The following CAMTA1 variants were observed in gnomAD, a reference collection of about 807,000 sequenced individuals.
CAMTA1 encodes the protein calmodulin-binding transcription activator 1.
A neutral mutation model predicts 170.9 loss-of-function variants in CAMTA1; 27 were observed. The observed-to-expected ratio is 0.16, with a 90% CI of 0.12 to 0.22. The LOEUF is 0.22. Ranked by LOEUF, CAMTA1 falls within the 10% of genes least tolerant of loss-of-function variation. The pLI, the probability that CAMTA1 is intolerant of heterozygous loss-of-function variation, is 1.00. For missense variants in CAMTA1, 1,619 were observed against 2,217.2 expected (o/e 0.73, Z 5.42); for synonymous variants, 833 against 891.5 (o/e 0.93, Z 1.17).
intron 6 of CAMTA1, among the ~76,000 whole-genome samples, chr1:7,604,510 G>T (rs369567263): frequency 0.13 from 20,416 of 152,076 alleles, 1,459 homozygotes; most frequent in African/African-American, 0.15. Context: ...ATAGTTCTGA[G>T]GCCGTGGTTT....
chr1:7,280,019 C>G (rs116410651), intron 5 of CAMTA1, among the ~76,000 whole-genome samples: 1 of 152,130 alleles, frequency 6.6e-6, no homozygotes, highest in Non-Finnish European at 1.5e-5. Context: ...GGAGCCTGCT[C>G]GTTGCTGGTA....
In CAMTA1 at chr1:7,738,353, A is replaced by C. The variant is rs2096785879; in HGVS notation, c.4053A>C (p.Ser1351=). 7.4e-6 allele frequency: 12 copies of C among 1,614,194 alleles called. No homozygotes were observed. The highest frequency in any genetic ancestry group is 9.3e-6 in the Non-Finnish European group (11 of 1,180,016). ...GTGTAGGAAAGGAGGCAGCACCTTC[A>C]CAGGTGCGTCCACGGGAACCAATGA... ...GTSVGKEAAP[S]QVRPREPMSV... The change falls in exon 16 of 23, where the codon TCA becomes TCC. Residue 1351 remains serine, a synonymous_variant. Coordinates refer to ENST00000303635, the MANE Select transcript of CAMTA1 (RefSeq NM_015215.4). The surrounding 1 kb of genome is among the most constrained non-coding windows in gnomAD (Gnocchi z 4.9).
chr1:6,955,321 C>T (rs1689266346), intron 3 of CAMTA1, among the ~76,000 whole-genome samples: 2 of 152,194 alleles, frequency 1.3e-5, no homozygotes, highest in South Asian at 4.1e-4. Flanking sequence ...CACTCCTCTT[C>T]CCTGGCGCCA....
chr1:7,113,580 C>A lies in CAMTA1; in HGVS notation c.302+22209C>A, dbSNP rs1309816867. Among the ~76,000 whole-genome samples, 1 of 152,176 alleles carries A rather than the reference C, an allele frequency of 6.6e-6. No homozygotes were observed. Among genetic ancestry groups the A allele is most frequent in the Non-Finnish European group, 1.5e-5 (1 of 68,032 alleles). On this transcript the variant is annotated intron_variant, in intron 4 of 22. Coordinates refer to ENST00000303635, the MANE Select transcript of CAMTA1 (RefSeq NM_015215.4). The surrounding 1 kb of genome is among the most constrained non-coding windows in gnomAD (Gnocchi z 4.5). ...CCTATTTATTCATGGCATTTCACAT[C>A]ATAAGAGAGTTAAAGAGTTTGTGGC...
chr1:7,574,935 G>A (rs1411426813), intron 6 of CAMTA1, among the ~76,000 whole-genome samples: 1 of 152,208 alleles, frequency 6.6e-6, no homozygotes, highest in Non-Finnish European at 1.5e-5. Flanking sequence ...GGGAAGGACG[G>A]ACATGTCGAC....
At chr1:7,605,178 G>C (rs1298217035) in intron 6 of CAMTA1, among the ~76,000 whole-genome samples, 2 of 152,222 alleles carry the variant, frequency 1.3e-5, no homozygotes, top group East Asian at 3.8e-4. Context: ...ATCTCCAGCT[G>C]CATGATGGGG....
intron 3 of CAMTA1, among the ~76,000 whole-genome samples, chr1:7,040,366 T>C (rs1048714329): frequency 1.3e-5 from 2 of 152,192 alleles, no homozygotes; most frequent in African/African-American, 4.8e-5. Flanking sequence ...TCAGATTGCT[T>C]GGATATGGCT....
intron 4 of CAMTA1, among the ~76,000 whole-genome samples, chr1:7,237,031 G>A (rs1447981928): frequency 1.3e-5 from 2 of 152,218 alleles, no homozygotes; most frequent in East Asian, 3.8e-4. Context: ...AGTTGGAACT[G>A]CATGAACTGC....
intron 3 of CAMTA1, among the ~76,000 whole-genome samples, chr1:6,976,667 C>T (rs1693481846): frequency 6.6e-6 from 1 of 152,082 alleles, no homozygotes; most frequent in Admixed American, 6.5e-5. Flanking sequence ...GAGGGAGGAG[C>T]CAAGCTCTCC....
At chr1:7,243,562 G>T (rs1479732359) in intron 4 of CAMTA1, among the ~76,000 whole-genome samples, 1 of 152,122 alleles carries the variant, frequency 6.6e-6, no homozygotes, top group East Asian at 1.9e-4. Context: ...ATTTCTGAGG[G>T]CTCTGTTCTG....
chr1:7,294,382 C>T (rs527262391), intron 5 of CAMTA1, among the ~76,000 whole-genome samples: 1 of 152,274 alleles, frequency 6.6e-6, no homozygotes, highest in Non-Finnish European at 1.5e-5. Flanking sequence ...GGCACAGTCA[C>T]CTTAAAAGGA....
chr1:6,964,621 GC>G (rs1287506043), intron 3 of CAMTA1, among the ~76,000 whole-genome samples: 3 of 152,246 alleles, frequency 2.0e-5, no homozygotes, highest in Admixed American at 6.5e-5. Flanking sequence ...TTATTCTCTT[GC>G]CCCCACAGGC....
At chr1:6,871,832 A>G (rs1234001310) in intron 3 of CAMTA1, 1 of 1,497,486 alleles carries the variant, frequency 6.7e-7, no homozygotes. Context: ...CCTGACCTGC[A>G]TTACCTTGGT....
intron 3 of CAMTA1, among the ~76,000 whole-genome samples, chr1:6,968,766 T>G (rs1431080223): frequency 2.2e-5 from 3 of 133,910 alleles, no homozygotes. Context: ...ATAGAGAGAG[T>G]GGAGGTGGGG....
Position 7,739,909 on chromosome 1 carries a change from T to G in CAMTA1, c.4182+1427T>G, listed in dbSNP as rs2096798976. 4.6e-5 allele frequency among the ~76,000 whole-genome samples: 7 copies of G among 152,148 alleles called. No individual in the cohort carries two copies. In the South Asian group the frequency reaches 1.5e-3, roughly 32 times the overall value. On this transcript the variant is annotated intron_variant, in intron 16 of 22. Transcript: ENST00000303635. Reference sequence around the variant, plus strand: ...GGGAGCTACAATTCAAGATGAGATTTCGGTGAGGACAGCCAAACCATATCA... The same window carrying G: ...GGGAGCTACAATTCAAGATGAGATTGCGGTGAGGACAGCCAAACCATATCA...
intron 11 of CAMTA1, among the ~76,000 whole-genome samples, chr1:7,704,867 G>A (rs1465911472): frequency 1.4e-5 from 2 of 147,518 alleles, no homozygotes; most frequent in African/African-American, 4.9e-5. Flanking sequence ...CAAGCCTGAC[G>A]AGCAGGAGCC....
chr1:7,045,331 C>T (rs4074962), intron 3 of CAMTA1, among the ~76,000 whole-genome samples: 4,709 of 152,262 alleles, frequency 0.031, 163 homozygotes, highest in Admixed American at 0.11. Flanking sequence ...CTGTTGCTAG[C>T]CACACCTGCC....
chr1:6,928,110 C>T (rs1200139812), intron 3 of CAMTA1, among the ~76,000 whole-genome samples: 1 of 152,184 alleles, frequency 6.6e-6, no homozygotes, highest in Non-Finnish European at 1.5e-5. Flanking sequence ...CTGGAAGGGG[C>T]ATCTTCTTTG....
chr1:7,527,098 G>T (rs1158517375), intron 6 of CAMTA1, among the ~76,000 whole-genome samples: 1 of 152,182 alleles, frequency 6.6e-6, no homozygotes, highest in Non-Finnish European at 1.5e-5. Flanking sequence ...GGGTACCCAG[G>T]CCTGCCTGAC....
Sources: allele counts gnomAD v4.1 joint callset (sites outside exome capture counted in the v4.1 genomes callset), GRCh38; gene constraint gnomAD v4.1.1; non-coding constraint Gnocchi (gnomAD v3.1); transcripts MANE v1.5; gene names NCBI Gene and HGNC (gene_info 2026-07-23, HGNC 2026-07-21).